THAP7: variants seen among roughly 807,000 people sequenced by gnomAD.
THAP7 encodes the protein THAP domain-containing protein 7.
THAP7 carries 22 observed loss-of-function variants against 29.2 expected under a neutral mutation model. The observed-to-expected ratio is 0.75, with a 90% CI of 0.54 to 1.08. The LOEUF (loss-of-function observed/expected upper bound fraction) is 1.08. Ranked by LOEUF, THAP7 falls within the 50% of genes least tolerant of loss-of-function variation. The probability of loss-of-function intolerance (pLI) is 0.00; values close to 1 mark genes in which losing one functional copy is unlikely to be tolerated. For missense variants in THAP7, 448 were observed against 416.2 expected, an observed-to-expected ratio of 1.08 and a Z score of -0.66; for synonymous variants, 208 against 173.4, an observed-to-expected ratio of 1.20 and a Z score of -1.57.
intron 2 of THAP7, 124 bp from the exon 3 acceptor site, chr22:21,000,911 C>T (rs1325084867): frequency 6.9e-7 from 1 of 1,455,330 alleles, no homozygotes; most frequent in Non-Finnish European, 9.4e-7. Flanking sequence ...CTGGGGAACG[C>T]CAAGTTACAG....
chr22:21,000,479 C>T (rs1330999753), intron 3 of THAP7, 47 bp from the exon 4 acceptor site: 3 of 1,535,846 alleles, frequency 2.0e-6, no homozygotes, highest in East Asian at 2.4e-5. Context: ...TGAGGGCTTG[C>T]CAGACCCCCC....
At chr22:21,001,219 A>G in intron 2 of THAP7, 37 bp downstream of exon 2, 2 of 1,605,324 alleles carry the variant, frequency 1.2e-6, no homozygotes, top group Non-Finnish European at 1.7e-6. Context: ...CGGGAGCCCC[A>G]CATCCTACCC....
In THAP7 at chr22:21,001,321, T is replaced by C; in HGVS notation, c.171A>G (p.Ala57=). 1 of 1,614,140 alleles carries C rather than the reference T, an allele frequency of 6.2e-7. No homozygotes were observed. Among genetic ancestry groups the C allele is most frequent in the Non-Finnish European group, 8.5e-7 (1 of 1,180,016 alleles). Residue 57 remains alanine, a synonymous_variant, in exon 2 of 4, where the codon GCA becomes GCG. Coordinates refer to ENST00000215742, the MANE Select transcript of THAP7 (RefSeq NM_030573.3). ...TGGAGCAGAAGTAGATGTACTCGGA[T>C]GCCGGGTCCCACAGGCCCTGGCCGC... is the stretch of plus-strand genomic sequence containing the variant. ...DPSGQGLWDP[A]SEYIYFCSKH...
In THAP7 at chr22:21,001,949, C is replaced by T; in HGVS notation, c.-38G>A. On this transcript the variant is annotated 5_prime_UTR_variant, in exon 1 of 4. Coordinates refer to ENST00000215742, the MANE Select transcript of THAP7 (RefSeq NM_030573.3). ...CGGGAGTTAAGTCGCAAGCGGCTCTCCGGGCATCCGGAGGAGCCTCGCGCC... is the reference window on the plus strand; with the variant it reads ...CGGGAGTTAAGTCGCAAGCGGCTCTTCGGGCATCCGGAGGAGCCTCGCGCC... 1.3e-6 allele frequency: 2 copies of T among 1,521,242 alleles called. No homozygotes were observed. Among genetic ancestry groups the T allele is most frequent in the Non-Finnish European group, 1.8e-6 (2 of 1,133,436 alleles). 94.2% of individuals were successfully genotyped at this position (1,521,242 alleles called of 1,614,324 possible).
intron 2 of THAP7, 187 bp from the exon 3 acceptor site, chr22:21,000,974 C>T: frequency 2.1e-6 from 2 of 970,818 alleles, no homozygotes; most frequent in Non-Finnish European, 3.0e-6. Flanking sequence ...GTGTGGAAAG[C>T]CTGCATAAGC....
In THAP7 at chr22:21,001,937, G is replaced by A. The variant is rs371377555; in HGVS notation, c.-26C>T. On this transcript the variant is annotated 5_prime_UTR_variant, in exon 1 of 4. Coordinates refer to ENST00000215742, the MANE Select transcript of THAP7 (RefSeq NM_030573.3). The stretch of plus-strand genomic sequence containing the variant: ...CTGGGAAAGAGGCGGGAGTTAAGTC[G>A]CAAGCGGCTCTCCGGGCATCCGGAG... 1,048 of 1,536,714 alleles carry A rather than the reference G, an allele frequency of 6.8e-4. 2 individuals carry two copies. The highest frequency in any genetic ancestry group is 6.8e-4 in the Non-Finnish European group (777 of 1,141,364).
Position 21,001,317 on chromosome 22 carries a change from C to A in THAP7, c.175G>T (p.Glu59Ter). 6.2e-7 allele frequency: 1 copy of A among 1,614,130 alleles called. No homozygotes were observed. Among genetic ancestry groups the A allele is most frequent in the Non-Finnish European group, 8.5e-7 (1 of 1,180,024 alleles). The change falls in exon 2 of 4, where the codon GAG (glutamate) becomes TAG (stop). Residue 59 changes from glutamate (E) to a stop codon, truncating the protein, a stop_gained. Transcript: ENST00000215742. LOFTEE classifies it high-confidence loss of function. ...TGTTTGGAGCAGAAGTAGATGTACTCGGATGCCGGGTCCCACAGGCCCTGG... is the reference window on the plus strand; with the variant it reads ...TGTTTGGAGCAGAAGTAGATGTACTAGGATGCCGGGTCCCACAGGCCCTGG... ...SGQGLWDPAS[E>*]YIYFCSKHFE...
rs940840180 is a variant in THAP7 at position 21,001,564 on chromosome 22, G to A, written c.81-153C>T. The A allele has an allele frequency of 3.5e-6, 4 of 1,154,702 alleles. No individual in the cohort carries two copies. In the South Asian group the frequency reaches 4.5e-5, roughly 13 times the overall value. The allele number at this position is 1,154,702 out of a possible 1,614,324, so 71.5% of individuals were successfully genotyped here. ...TAAGCACCACCGCCCGGGCACAGAC[G>A]AGGCAACGGAGGCCTCGAGAAGAAA... On this transcript the variant is annotated intron_variant, in intron 1 of 3. Coordinates refer to ENST00000215742, the MANE Select transcript of THAP7 (RefSeq NM_030573.3).
rs761200260 is a variant in THAP7 at position 20,999,921 on chromosome 22, C to A, written c.889G>T (p.Val297Leu). ...CTCAGCTGCATGGCAAAGTCCTGCA[C>A]ATGCTCCTTCAGAGTCTGGCGGGCA... is the stretch of plus-strand genomic sequence containing the variant. ...ADARQTLKEH[V>L]QDFAMQLSSS... is the part of the protein sequence containing the mutation. Residue 297 changes from valine (V) to leucine (L), a missense_variant, in exon 4 of 4, where the codon GTG (valine) becomes TTG (leucine). Coordinates refer to ENST00000215742, the MANE Select transcript of THAP7 (RefSeq NM_030573.3). The A allele has an allele frequency of 6.8e-6, 11 of 1,611,536 alleles. No homozygotes were observed. In the East Asian group the frequency reaches 2.5e-4, roughly 36 times the overall value.
Position 21,000,294 on chromosome 22 carries a change from G to T in THAP7, c.516C>A (p.Ser172Arg). The change falls in exon 4 of 4, where the codon AGC (serine) becomes AGA (arginine). Residue 172 changes from serine to arginine, a missense_variant. Ser to Arg is a moderately radical substitution (Grantham distance 110, BLOSUM62 -1). Transcript: ENST00000215742. ...SPAGRLEPGL[S>R]SPFSDLLGPL... is the part of the protein sequence containing the mutation. ...GGCCCAGTAGGTCTGAAAAGGGGCT[G>T]CTAAGGCCAGGCTCCAGCCTCCCAG... 6.4e-7 allele frequency: 1 copy of T among 1,556,386 alleles called. No individual in the cohort carries two copies. The highest frequency in any genetic ancestry group is 8.7e-7 in the Non-Finnish European group (1 of 1,150,252).
At position 21,000,447 on chromosome 22, in the gene THAP7, G is replaced by C; in HGVS notation, c.378-15C>G. 1 of 1,545,470 alleles carries C rather than the reference G, an allele frequency of 6.5e-7. No individual in the cohort carries two copies. Among genetic ancestry groups the C allele is most frequent in the South Asian group, 1.2e-5 (1 of 84,416 alleles). ...CCTCGGAGCAGCTGGTAAGGGGGAA[G>C]AGAGAGACTGATGGGCTAGGCTGAG... On this transcript the variant is annotated splice_polypyrimidine_tract_variant and intron_variant, in intron 3 of 3. Transcript: ENST00000215742.
In THAP7 at chr22:20,999,183, G is replaced by A. The variant is rs1925006381; in HGVS notation, c.*697C>T. Reference sequence around the variant, plus strand: ...AAGGCCTTCCAGGTTCCTGGGAGTTGAAGGAAAAGGATGCTGAGGCCAGGA... The same window carrying A: ...AAGGCCTTCCAGGTTCCTGGGAGTTAAAGGAAAAGGATGCTGAGGCCAGGA... On this transcript the variant is annotated 3_prime_UTR_variant, in exon 4 of 4. Transcript: ENST00000215742. 2.0e-5 allele frequency: 3 copies of A among 152,188 alleles called. No individual in the cohort carries two copies. The allele number at this position is 152,188 out of a possible 1,614,324, so 9.4% of individuals were successfully genotyped here. A position where few individuals can be genotyped will look rare whatever the true frequency, so the allele number is the denominator to read the frequency against.
chr22:20,999,717 A>C lies in THAP7; in HGVS notation c.*163T>G, dbSNP rs1925032499. ...AGGAGCTGCAGCCACTGTCTGGGGC[A>C]GCAAGCTTAGTACTCAGAGGGGCTC... On this transcript the variant is annotated 3_prime_UTR_variant, in exon 4 of 4. Coordinates refer to ENST00000215742, the MANE Select transcript of THAP7 (RefSeq NM_030573.3). 2 of 787,152 alleles carry C rather than the reference A, an allele frequency of 2.5e-6. No individual in the cohort carries two copies. Among genetic ancestry groups the C allele is most frequent in the South Asian group, 3.7e-5 (2 of 54,112 alleles). The allele number at this position is 787,152 out of a possible 1,614,324, so 48.8% of individuals were successfully genotyped here.
In THAP7 at chr22:21,001,929, G is replaced by A. The variant is rs776896850; in HGVS notation, c.-18C>T. 1 of 1,549,000 alleles carries A rather than the reference G, an allele frequency of 6.5e-7. No homozygotes were observed. ...CGCGGCATCTGGGAAAGAGGCGGGA[G>A]TTAAGTCGCAAGCGGCTCTCCGGGC... On this transcript the variant is annotated 5_prime_UTR_variant, in exon 1 of 4. Transcript: ENST00000215742.
chr22:21,000,912 C>G, intron 2 of THAP7, 125 bp from the exon 3 acceptor site: 1 of 1,431,668 alleles, frequency 7.0e-7, no homozygotes, highest in Non-Finnish European at 9.6e-7. Context: ...TGGGGAACGC[C>G]AAGTTACAGC....
chr22:21,000,566 G>A (rs568560366), intron 3 of THAP7, 81 bp downstream of exon 3: 2 of 1,596,596 alleles, frequency 1.3e-6, no homozygotes, highest in Admixed American at 1.7e-5. Flanking sequence ...CCTGTCCAGC[G>A]AGACTGCTGG....
rs1317069077 is a variant in THAP7, at chr22:20,999,728, T to C, written c.*152A>G. ...CCACTGTCTGGGGCAGCAAGCTTAG[T>C]ACTCAGAGGGGCTCCAGCCCCCAGC... On this transcript the variant is annotated 3_prime_UTR_variant, in exon 4 of 4. Transcript: ENST00000215742. 2 of 875,456 alleles carry C rather than the reference T, an allele frequency of 2.3e-6. No homozygotes were observed. Among genetic ancestry groups the C allele is most frequent in the Admixed American group, 5.8e-5 (2 of 34,444 alleles). The allele number at this position is 875,456 out of a possible 1,614,324, so 54.2% of individuals were successfully genotyped here.
At chr22:21,001,029 T>A in intron 2 of THAP7, 2 of 856,442 alleles carry the variant, frequency 2.3e-6, no homozygotes, top group Non-Finnish European at 1.8e-6. Context: ...ATTTGTGGAC[T>A]TGCTGGCAAG....
At chr22:21,001,566 G>A in intron 1 of THAP7, 155 bp from the exon 2 acceptor site, 1 of 1,166,156 alleles carries the variant, frequency 8.6e-7, no homozygotes, top group Admixed American at 2.6e-5. Context: ...GCACAGACGA[G>A]GCAACGGAGG....
Sources: allele counts gnomAD v4.1 joint callset, GRCh38; gene constraint gnomAD v4.1.1; transcripts MANE v1.5; gene names NCBI Gene and HGNC (gene_info 2026-07-23, HGNC 2026-07-21).